Variants in RYR1 observed in about 807,000 individuals in gnomAD.
The protein encoded by RYR1 is ryanodine receptor 1, also known as central core disease of muscle.
A neutral mutation model predicts 583.5 loss-of-function variants in RYR1; 342 were observed. The observed-to-expected ratio is 0.59, with a 90% CI of 0.54 to 0.64. The LOEUF is 0.64. Among genes scored for constraint, RYR1 ranks in the 30% least tolerant of loss-of-function variants. The probability of loss-of-function intolerance (pLI) is 0.00; values close to 1 mark genes in which losing one functional copy is unlikely to be tolerated. For synonymous variants in RYR1, 2,791 were observed against 2,822.5 expected (o/e 0.99, Z 0.35); for missense variants, 6,032 against 6,917.2 (o/e 0.87, Z 4.54).
chr19:38,490,830 C>T (rs1313655173), intron 37 of RYR1, 98 bp downstream of exon 37: 8 of 777,150 alleles, frequency 1.0e-5, no homozygotes, highest in East Asian at 2.6e-5. Context: ...TCTACAGTAT[C>T]GGTGCTATGT....
chr19:38,523,825 G>A lies in RYR1; in HGVS notation c.10441-90G>A, dbSNP rs58776402. 9.7e-4 allele frequency: 1,513 copies of A among 1,554,750 alleles called. 11 individuals carry two copies. In the African/African-American group the frequency reaches 0.018, roughly 19 times the overall value. Reference sequence around the variant, plus strand: ...ATACATGGCGGGTGGGGCAGAGGAGGTGGGGTGCTGGCAACTTGGAGTTGG... The same window carrying A: ...ATACATGGCGGGTGGGGCAGAGGAGATGGGGTGCTGGCAACTTGGAGTTGG... On this transcript the variant is annotated intron_variant, in intron 69 of 105. Coordinates refer to ENST00000359596, the MANE Select transcript of RYR1 (RefSeq NM_000540.3).
At position 38,485,771 on chromosome 19, in the gene RYR1, C is replaced by T. The variant is rs1343360389; in HGVS notation, c.5116C>T (p.Leu1706=). 1 of 1,613,272 alleles carries T rather than the reference C, an allele frequency of 6.2e-7. No homozygotes were observed. The highest frequency in any genetic ancestry group is 1.1e-5 in the South Asian group (1 of 91,086). The stretch of plus-strand genomic sequence containing the variant: ...GGAGGACGCGCACCTGCCAGGCCCA[C>T]TGCGCGCAGGCTACTATGACCTCCT... ...ALEDAHLPGP[L]RAGYYDLLIS... is the part of the protein sequence containing the mutation. The change falls in exon 34 of 106, where the codon CTG becomes TTG. Residue 1706 remains leucine, a synonymous_variant. Coordinates refer to ENST00000359596, the MANE Select transcript of RYR1 (RefSeq NM_000540.3).
chr19:38,518,429 AT>A (rs1042780248), intron 66 of RYR1, among the ~76,000 whole-genome samples: 1 of 148,762 alleles, frequency 6.7e-6, no homozygotes, highest in African/African-American at 2.5e-5. Context: ...AAAAAGAAAT[AT>A]TTGTGTAAGG....
intron 101 of RYR1, 65 bp from the exon 102 acceptor site, chr19:38,584,878 G>A (rs1022353420): frequency 1.6e-5 from 25 of 1,595,704 alleles, no homozygotes; most frequent in East Asian, 9.0e-5. Flanking sequence ...TGCCTATCCC[G>A]GGGCCTTGGC....
In RYR1 at chr19:38,532,680, C is replaced by A. The variant is rs770663768; in HGVS notation, c.11203C>A (p.Leu3735Met). 2 of 1,614,122 alleles carry A rather than the reference C, an allele frequency of 1.2e-6. No homozygotes were observed. The highest frequency in any genetic ancestry group is 1.7e-6 in the Non-Finnish European group (2 of 1,180,016). The change falls in exon 78 of 106, where the codon CTG becomes ATG. Residue 3735 changes from leucine to methionine, a missense_variant. This residue lies in a region of RYR1 where 1,493 missense variants were observed against 1,715.5 expected (regional missense o/e 0.87). Transcript: ENST00000359596. ...YADIMAKSCH[L>M]EEGGENGEAE... ...GATGCCCCCTCCCCAGAGCTGCCACCTGGAGGAGGGAGGGGAGAACGGTGA... is the reference window on the plus strand; with the variant it reads ...GATGCCCCCTCCCCAGAGCTGCCACATGGAGGAGGGAGGGGAGAACGGTGA...
At chr19:38,506,677 G>GT in intron 56 of RYR1, 131 bp downstream of exon 56, 1 of 1,471,714 alleles carries the variant, frequency 6.8e-7, no homozygotes, top group Non-Finnish European at 9.4e-7. Context: ...TACCACCATG[G>GT]GGTAATGAGA....
intron 25 of RYR1, among the ~76,000 whole-genome samples, chr19:38,468,741 G>C (rs1968257826): frequency 6.6e-6 from 1 of 152,226 alleles, no homozygotes; most frequent in Non-Finnish European, 1.5e-5. Context: ...AACCCAGGCA[G>C]AAGGGATGAG....
chr19:38,460,688 C>T (rs1967689460), intron 20 of RYR1, 97 bp downstream of exon 20: 2 of 1,198,854 alleles, frequency 1.7e-6, no homozygotes, highest in African/African-American at 1.5e-5. Flanking sequence ...AATCCCAGCA[C>T]TTTGGATGGC....
In RYR1 at chr19:38,526,878, C is replaced by T. The variant is rs189332650; in HGVS notation, c.10627-115C>T. On this transcript the variant is annotated intron_variant, in intron 71 of 105. Transcript: ENST00000359596. ...TTTTGTTTCTCTCAGACCCCCACCC[C>T]CACCCCAGAAAAACCTCTTCAGTTC... 2.4e-4 allele frequency: 269 copies of T among 1,114,356 alleles called. 1 individual carries two copies. The African/African-American group carries it at 3.7e-3, about 15-fold the overall frequency. 69.0% of individuals were successfully genotyped at this position (1,114,356 alleles called of 1,614,324 possible).
rs985667928 is a variant in RYR1 at position 38,453,039 on chromosome 19, G to A, written c.1440+25G>A. 1.9e-6 allele frequency: 3 copies of A among 1,610,708 alleles called. No individual in the cohort carries two copies. In the African/African-American group the frequency reaches 4.0e-5, roughly 22 times the overall value. On this transcript the variant is annotated intron_variant, in intron 13 of 105. Transcript: ENST00000359596. ...GGTGAGGACGTGGCGAGGGCGGAGC[G>A]GGGCCTGTGGGCCCAGGGGGCGGGA...
At position 38,539,025 on chromosome 19, in the gene RYR1, G is replaced by A. The variant is rs554626530; in HGVS notation, c.11689+1065G>A. Among the ~76,000 whole-genome samples, 112 of 152,204 alleles carry A rather than the reference G, an allele frequency of 7.4e-4. 1 individual carries two copies. Among genetic ancestry groups the A allele is most frequent in the African/African-American group, 2.5e-3 (104 of 41,468 alleles). On this transcript the variant is annotated intron_variant, in intron 84 of 105. Transcript: ENST00000359596. Reference sequence around the variant, plus strand: ...ATCAACTTTCGTGACAAGAATTGGAGTAATTAGTAATCTTACTTCCATAGA... The same window carrying A: ...ATCAACTTTCGTGACAAGAATTGGAATAATTAGTAATCTTACTTCCATAGA...
In RYR1 at chr19:38,437,795, A is replaced by C. The variant is rs114630047; in HGVS notation, c.46-2950A>C. Among the ~76,000 whole-genome samples the C allele has an allele frequency of 7.7e-3, 1,162 of 151,816 alleles. 17 individuals carry two copies. Among genetic ancestry groups the C allele is most frequent in the African/African-American group, 0.027 (1,110 of 41,286 alleles). Reference sequence around the variant, plus strand: ...CTCGCCACTGCACTCCAGTCTGGGCAACAGAGCAAGACCCTGTGTCTACAA... The same window carrying C: ...CTCGCCACTGCACTCCAGTCTGGGCCACAGAGCAAGACCCTGTGTCTACAA... On this transcript the variant is annotated intron_variant, in intron 1 of 105. Transcript: ENST00000359596.
intron 31 of RYR1, among the ~76,000 whole-genome samples, chr19:38,479,741 G>A (rs542571721): frequency 1.3e-5 from 2 of 151,684 alleles, no homozygotes; most frequent in African/African-American, 4.8e-5. Flanking sequence ...TTTGAGACAG[G>A]GTTTCGCTCT....
chr19:38,584,949 C>G lies in RYR1; in HGVS notation c.14653C>G (p.Leu4885Val). Residue 4885 changes from leucine (L) to valine (V), a missense_variant, in exon 102 of 106, where the codon CTG becomes GTG. Physicochemically the swap from Leu to Val is conservative, Grantham distance 32 (BLOSUM62 1). Coordinates refer to ENST00000359596, the MANE Select transcript of RYR1 (RefSeq NM_000540.3). ...GTGTGCTCCCCTCCCTCAGTGTTAC[C>G]TGTTTCACATGTACGTGGGTGTCCG... ...MKCDDMMTCY[L>V]FHMYVGVRAG... 1 of 1,613,890 alleles carries G rather than the reference C, an allele frequency of 6.2e-7. No homozygotes were observed. Among genetic ancestry groups the G allele is most frequent in the Non-Finnish European group, 8.5e-7 (1 of 1,179,922 alleles).
chr19:38,580,089 G>A lies in RYR1; in HGVS notation c.14472G>A (p.Leu4824=), dbSNP rs1974130560. The change falls in exon 100 of 106, where the codon CTG becomes CTA. Residue 4824 remains leucine, a synonymous_variant. Coordinates refer to ENST00000359596, the MANE Select transcript of RYR1 (RefSeq NM_000540.3). Reference sequence around the variant, plus strand: ...ACATCGCCATGGGGGTCAAGACGCTGCGCACCATCCTGTCCTCTGTCACCC... The same window carrying A: ...ACATCGCCATGGGGGTCAAGACGCTACGCACCATCCTGTCCTCTGTCACCC... ...LLDIAMGVKT[L]RTILSSVTHN... is the part of the protein sequence containing the mutation. The A allele has an allele frequency of 6.2e-7, 1 of 1,614,074 alleles. No homozygotes were observed. Among genetic ancestry groups the A allele is most frequent in the African/African-American group, 1.3e-5 (1 of 74,924 alleles).
intron 61 of RYR1, 87 bp downstream of exon 61, chr19:38,511,697 G>C (rs1465048051): frequency 6.8e-7 from 1 of 1,474,308 alleles, no homozygotes; most frequent in Non-Finnish European, 9.5e-7. Flanking sequence ...GCCTTAATTT[G>C]AACAACCTTT....
chr19:38,516,212 G>C lies in RYR1; in HGVS notation c.9680G>C (p.Arg3227Pro). The change falls in exon 65 of 106, where the codon CGG (arginine) becomes CCG (proline). Residue 3227 changes from arginine (R) to proline (P), a missense_variant. Coordinates refer to ENST00000359596, the MANE Select transcript of RYR1 (RefSeq NM_000540.3). The stretch of plus-strand genomic sequence containing the variant: ...TACACCACCAAGTCTCCGCGGGAGC[G>C]GGCCAGTAAGCTGTGTGGGGCGGGA... ...SVYTTKSPRE[R>P]AILGLPNSVE... The C allele has an allele frequency of 1.3e-6, 2 of 1,586,082 alleles. No homozygotes were observed. Among genetic ancestry groups the C allele is most frequent in the Non-Finnish European group, 1.7e-6 (2 of 1,166,084 alleles).
chr19:38,497,832 G>GGTGTA (rs1969916267), intron 42 of RYR1, among the ~76,000 whole-genome samples: 1 of 152,048 alleles, frequency 6.6e-6, no homozygotes, highest in East Asian at 1.9e-4. Flanking sequence ...AAAGTAGGTG[G>GGTGTA]GTGTAGTGGC....
At position 38,565,906 on chromosome 19, in the gene RYR1, C is replaced by A; in HGVS notation, c.13437+135C>A. On this transcript the variant is annotated intron_variant, in intron 91 of 105. Transcript: ENST00000359596. This position sits in a 1 kb window ranked among gnomAD's most constrained non-coding sequence, Gnocchi z 4.7. ...TGGGCACACGCACCCACGGAGGACG[C>A]ACCCATGGAGGACGCACACGGGGAC... The A allele has an allele frequency of 9.4e-7, 1 of 1,067,258 alleles. No individual in the cohort carries two copies. The highest frequency in any genetic ancestry group is 1.2e-6 in the Non-Finnish European group (1 of 817,844). 66.1% of individuals were successfully genotyped at this position (1,067,258 alleles called of 1,614,324 possible).
Sources: allele counts gnomAD v4.1 joint callset (sites outside exome capture counted in the v4.1 genomes callset), GRCh38; gene constraint gnomAD v4.1.1; regional missense constraint gnomAD v4.1.1; non-coding constraint Gnocchi (gnomAD v3.1); transcripts MANE v1.5; gene names NCBI Gene and HGNC (gene_info 2026-07-23, HGNC 2026-07-21).